The following LUZP2 variants were observed in gnomAD, a reference collection of about 807,000 sequenced individuals.
LUZP2 encodes leucine zipper protein 2.
In LUZP2, 52 loss-of-function variants were observed where a neutral mutation model predicts 51.6. The observed-to-expected ratio is 1.01, with a 90% CI of 0.81 to 1.27. The LOEUF (loss-of-function observed/expected upper bound fraction) is 1.27, where lower values mean the gene tolerates loss of function less well. LUZP2 is among the 50% of genes most tolerant of loss of function. The pLI, the probability that LUZP2 is intolerant of heterozygous loss-of-function variation, is 0.00. For missense variants in LUZP2, 436 were observed against 395.4 expected (o/e 1.10, Z -0.87); for synonymous variants, 154 against 137.3 (o/e 1.12, Z -0.85).
intron 5 of LUZP2, among the ~76,000 whole-genome samples, chr11:24,812,157 A>G (rs1448346328): frequency 6.6e-6 from 1 of 152,142 alleles, no homozygotes; most frequent in African/African-American, 2.4e-5. Context: ...TGTATAAAAT[A>G]TGTATTTTTT....
intron 1 of LUZP2, among the ~76,000 whole-genome samples, chr11:24,624,799 C>T (rs566897154): frequency 3.3e-5 from 5 of 152,164 alleles, no homozygotes; most frequent in South Asian, 2.1e-4. Flanking sequence ...TGAAGTACCT[C>T]GTACCTAGCT....
At chr11:24,814,852 C>A (rs1564929552) in intron 5 of LUZP2, among the ~76,000 whole-genome samples, 1 of 151,954 alleles carries the variant, frequency 6.6e-6, no homozygotes, top group Non-Finnish European at 1.5e-5. Flanking sequence ...ATTAGCCAGG[C>A]GTGGCGGTGT....
chr11:24,772,872 G>A (rs1056399995), intron 5 of LUZP2, among the ~76,000 whole-genome samples: 6 of 152,024 alleles, frequency 3.9e-5, no homozygotes, highest in Admixed American at 2.6e-4. Flanking sequence ...GTCTTTGTGT[G>A]TCTTCTCCTC....
At position 24,611,033 on chromosome 11, in the gene LUZP2, G is replaced by A. The variant is rs1854099927; in HGVS notation, c.62+113728G>A. The stretch of plus-strand genomic sequence containing the variant: ...GTTTTAGGTCTTAAATTGTTATAAT[G>A]TACCTTACATGACATAGCTTTGTTT... On this transcript the variant is annotated intron_variant, in intron 1 of 11. Transcript: ENST00000336930. This position sits in a 1 kb window ranked among gnomAD's most constrained non-coding sequence, Gnocchi z 4.6. Among the ~76,000 whole-genome samples the A allele has an allele frequency of 6.6e-6, 1 of 151,770 alleles. No individual in the cohort carries two copies. Among genetic ancestry groups the A allele is most frequent in the African/African-American group, 2.4e-5 (1 of 41,304 alleles).
intron 9 of LUZP2, among the ~76,000 whole-genome samples, chr11:25,046,277 C>A (rs1262947697): frequency 6.7e-6 from 1 of 150,174 alleles, no homozygotes; most frequent in Non-Finnish European, 1.5e-5. Flanking sequence ...GAAAGATGAG[C>A]AGCTACTGAG....
chr11:24,748,373 G>A (rs1239849531), intron 4 of LUZP2, among the ~76,000 whole-genome samples: 2 of 152,126 alleles, frequency 1.3e-5, no homozygotes, highest in African/African-American at 4.8e-5. Context: ...CCAATTCCAC[G>A]GTTTGGGTAC....
intron 7 of LUZP2, among the ~76,000 whole-genome samples, chr11:24,964,529 G>A (rs1340111755): frequency 6.6e-6 from 1 of 152,044 alleles, no homozygotes; most frequent in African/African-American, 2.4e-5. Flanking sequence ...TTTAAAAGAT[G>A]CATATGTATA....
chr11:25,050,157 C>T (rs760178668), intron 10 of LUZP2, 27 bp downstream of exon 10: 4 of 1,378,516 alleles, frequency 2.9e-6, no homozygotes, highest in Admixed American at 2.1e-5. Context: ...ATGCTTTTTA[C>T]AGTATTAGAC....
rs116525316 is a variant in LUZP2 at position 24,919,626 on chromosome 11, A to T, written c.522+5088A>T. Among the ~76,000 whole-genome samples the T allele has an allele frequency of 6.3e-3, 936 of 147,986 alleles. 12 individuals carry two copies. The highest frequency in any genetic ancestry group is 0.02 in the African/African-American group (822 of 40,872). ...TATGTAGATATACCAAAGGTTACTT[A>T]ACCTTTCACTTATGTGTAGGTATGT... On this transcript the variant is annotated intron_variant, in intron 7 of 11. Coordinates refer to ENST00000336930, the MANE Select transcript of LUZP2 (RefSeq NM_001009909.4).
intron 1 of LUZP2, among the ~76,000 whole-genome samples, chr11:24,633,550 T>C (rs934216730): frequency 1.3e-5 from 2 of 152,060 alleles, no homozygotes; most frequent in Non-Finnish European, 2.9e-5. Context: ...TTTTAGTATA[T>C]TTTATCATTG....
intron 9 of LUZP2, among the ~76,000 whole-genome samples, chr11:24,992,624 T>G (rs1856383043): frequency 6.6e-6 from 1 of 152,152 alleles, no homozygotes; most frequent in South Asian, 2.1e-4. Flanking sequence ...TAAAAGGACA[T>G]GTCAGAGTTA....
At chr11:24,629,003 TA>T (rs1854783881) in intron 1 of LUZP2, among the ~76,000 whole-genome samples, 2 of 152,138 alleles carry the variant, frequency 1.3e-5, no homozygotes, top group South Asian at 2.1e-4. Flanking sequence ...ATATTATATA[TA>T]AAAAAGCAAT....
chr11:24,716,969 TTAATC>T, intron 1 of LUZP2, among the ~76,000 whole-genome samples: 1 of 151,848 alleles, frequency 6.6e-6, no homozygotes, highest in Non-Finnish European at 1.5e-5. Context: ...CAAAAACTCA[TTAATC>T]TATAAAGGCT....
intron 10 of LUZP2, among the ~76,000 whole-genome samples, chr11:25,058,978 T>G (rs566538130): frequency 1.3e-5 from 2 of 152,234 alleles, no homozygotes; most frequent in Non-Finnish European, 2.9e-5. Context: ...AGCATGGTAC[T>G]CGATTTACTT....
At chr11:24,961,316 C>T (rs1855395331) in intron 7 of LUZP2, among the ~76,000 whole-genome samples, 2 of 152,096 alleles carry the variant, frequency 1.3e-5, no homozygotes, top group South Asian at 2.1e-4. Flanking sequence ...AACTTTTTGT[C>T]TTGTTGATCT....
chr11:25,064,417 ACT>A (rs1026161198), intron 10 of LUZP2, among the ~76,000 whole-genome samples: 1 of 151,968 alleles, frequency 6.6e-6, no homozygotes, highest in African/African-American at 2.4e-5. Context: ...GTTAATGATG[ACT>A]CTTAAAAAAC....
chr11:24,705,246 A>C (rs891448863), intron 1 of LUZP2, among the ~76,000 whole-genome samples: 2 of 152,342 alleles, frequency 1.3e-5, no homozygotes, highest in Non-Finnish European at 2.9e-5. Flanking sequence ...CTCTTTAAAA[A>C]GAAATCATGA....
At chr11:24,511,826 G>A (rs10430841) in intron 1 of LUZP2, among the ~76,000 whole-genome samples, 68,845 of 151,924 alleles carry the variant, frequency 0.45, 15,832 homozygotes, top group East Asian at 0.7. Context: ...CTTAAATAAC[G>A]TGATATAGAT....
At chr11:24,811,830 G>C (rs1850031693) in intron 5 of LUZP2, among the ~76,000 whole-genome samples, 1 of 152,086 alleles carries the variant, frequency 6.6e-6, no homozygotes, top group Admixed American at 6.6e-5. Flanking sequence ...TAGGAAGTAA[G>C]TATAGATAAA....
Sources: allele counts gnomAD v4.1 joint callset (sites outside exome capture counted in the v4.1 genomes callset), GRCh38; gene constraint gnomAD v4.1.1; non-coding constraint Gnocchi (gnomAD v3.1); transcripts MANE v1.5; gene names NCBI Gene and HGNC (gene_info 2026-07-23, HGNC 2026-07-21).